SHROOM3: variants seen among roughly 807,000 people sequenced by gnomAD.
The protein encoded by SHROOM3 is shroom family member 3.
A neutral mutation model predicts 138.6 loss-of-function variants in SHROOM3; 47 were observed. The observed-to-expected ratio is 0.34, with a 90% CI of 0.27 to 0.43. The LOEUF (loss-of-function observed/expected upper bound fraction) is 0.43. SHROOM3 is among the 20% of genes least tolerant of loss of function. SHROOM3 has a pLI of 1.00. For synonymous variants in SHROOM3, 1,062 were observed against 1,063.3 expected, an observed-to-expected ratio of 1.00 and a Z score of 0.02; for missense variants, 2,491 against 2,596.5, an observed-to-expected ratio of 0.96 and a Z score of 0.88.
rs185478264 is a variant in SHROOM3, at chr4:76,560,282, C to T, written c.323+4519C>T. Among the ~76,000 whole-genome samples the T allele has an allele frequency of 2.6e-3, 403 of 152,168 alleles. 1 individual carries two copies. The highest frequency in any genetic ancestry group is 6.8e-3 in the Middle Eastern group (2 of 292). ...TCATCCCTGAGGGTAATGGAAGTTG[C>T]GTTTAGTATAAGGAATGCTCACTGC... is the stretch of plus-strand genomic sequence containing the variant. On this transcript the variant is annotated intron_variant, in intron 2 of 10. Coordinates refer to ENST00000296043, the MANE Select transcript of SHROOM3 (RefSeq NM_020859.4).
intron 2 of SHROOM3, among the ~76,000 whole-genome samples, chr4:76,650,051 T>G (rs911334589): frequency 2.0e-5 from 3 of 152,220 alleles, no homozygotes; most frequent in African/African-American, 7.2e-5. Context: ...CCTAGGTGGA[T>G]GTGCTTGGAG....
At chr4:76,727,881 C>A in intron 3 of SHROOM3, among the ~76,000 whole-genome samples, 1 of 34,944 alleles carries the variant, frequency 2.9e-5, no homozygotes, top group Non-Finnish European at 9.1e-5. Context: ...GAGCAAGACT[C>A]CATCTCAAAA....
At chr4:76,693,678 C>T (rs576582636) in intron 2 of SHROOM3, among the ~76,000 whole-genome samples, 36 of 152,192 alleles carry the variant, frequency 2.4e-4, no homozygotes, top group African/African-American at 8.2e-4. Context: ...AGCCACTGCA[C>T]CTGGCCCTTG....
chr4:76,477,401 C>T lies in SHROOM3; in HGVS notation c.168+41181C>T, dbSNP rs187011898. On this transcript the variant is annotated intron_variant, in intron 1 of 10. Coordinates refer to ENST00000296043, the MANE Select transcript of SHROOM3 (RefSeq NM_020859.4). ...CCCTCTTAGAAAACTCAGACCATTG[C>T]CCCTTGCCTCAAGACTGCACATAAC... Among the ~76,000 whole-genome samples the T allele has an allele frequency of 3.9e-3, 588 of 152,290 alleles. 4 individuals are homozygous for T. The highest frequency in any genetic ancestry group is 0.013 in the African/African-American group (553 of 41,554).
At chr4:76,542,408 G>A (rs1312423548) in intron 1 of SHROOM3, among the ~76,000 whole-genome samples, 2 of 152,188 alleles carry the variant, frequency 1.3e-5, no homozygotes, top group African/African-American at 4.8e-5. Context: ...GGAAATAAAG[G>A]TTGCAGATGG....
chr4:76,466,468 A>G (rs555739555), intron 1 of SHROOM3, among the ~76,000 whole-genome samples: 1 of 152,356 alleles, frequency 6.6e-6, no homozygotes, highest in Non-Finnish European at 1.5e-5. Flanking sequence ...TGTTGTATGA[A>G]CCAAATGTCT....
At chr4:76,750,544 A>G (rs1325343382) in intron 6 of SHROOM3, among the ~76,000 whole-genome samples, 2 of 152,176 alleles carry the variant, frequency 1.3e-5, no homozygotes, top group Non-Finnish European at 2.9e-5. Context: ...GTGAGGATTG[A>G]AAAAACTACC....
intron 10 of SHROOM3, among the ~76,000 whole-genome samples, chr4:76,777,153 T>A (rs917432690): frequency 3.3e-5 from 5 of 152,220 alleles, no homozygotes; most frequent in Admixed American, 6.5e-5. Flanking sequence ...GGTATTTTGA[T>A]GGGAATTGCA....
At chr4:76,460,458 C>T (rs1731116769) in intron 1 of SHROOM3, among the ~76,000 whole-genome samples, 1 of 152,150 alleles carries the variant, frequency 6.6e-6, no homozygotes, top group African/African-American at 2.4e-5. Flanking sequence ...TTTACACCAT[C>T]GGTTGTTTAT....
intron 10 of SHROOM3, among the ~76,000 whole-genome samples, chr4:76,772,103 CTTTTTTT>C (rs35590411): frequency 2.4e-5 from 3 of 125,140 alleles, no homozygotes; most frequent in Non-Finnish European, 5.0e-5. Context: ...TTTTCTTTTT[CTTTTTTT>C]TTTTTTTTTT....
At chr4:76,503,799 A>T (rs184550957) in intron 1 of SHROOM3, among the ~76,000 whole-genome samples, 34 of 152,344 alleles carry the variant, frequency 2.2e-4, no homozygotes, top group African/African-American at 7.9e-4. Context: ...TATCTGTGGA[A>T]GGCATTTGGT....
At chr4:76,766,849 C>T (rs926890969) in intron 9 of SHROOM3, among the ~76,000 whole-genome samples, 6 of 152,198 alleles carry the variant, frequency 3.9e-5, no homozygotes, top group Non-Finnish European at 8.8e-5. Context: ...CGTGACCACT[C>T]AGTAATTCTG....
At chr4:76,728,011 G>A (rs344133) in intron 3 of SHROOM3, among the ~76,000 whole-genome samples, 79,367 of 151,516 alleles carry the variant, frequency 0.52, 21,652 homozygotes, top group Middle Eastern at 0.62. Flanking sequence ...AGAAATGCAA[G>A]AAAAATAATA....
intron 3 of SHROOM3, among the ~76,000 whole-genome samples, chr4:76,724,916 G>A (rs1001923424): frequency 5.3e-5 from 8 of 152,068 alleles, no homozygotes; most frequent in African/African-American, 1.2e-4. Context: ...CCTTCATTCA[G>A]GTTGTACTGA....
chr4:76,651,100 T>G (rs916302314), intron 2 of SHROOM3, among the ~76,000 whole-genome samples: 8 of 151,328 alleles, frequency 5.3e-5, no homozygotes, highest in African/African-American at 1.5e-4. Context: ...CTCATAAACA[T>G]AGAGAGTAGA....
intron 2 of SHROOM3, among the ~76,000 whole-genome samples, chr4:76,659,328 GC>G (rs1736134164): frequency 6.6e-6 from 1 of 152,174 alleles, no homozygotes; most frequent in Non-Finnish European, 1.5e-5. Flanking sequence ...CAGGCACCTT[GC>G]CAAGAGGCCA....
chr4:76,521,358 T>C (rs894887035), intron 1 of SHROOM3, among the ~76,000 whole-genome samples: 4 of 152,216 alleles, frequency 2.6e-5, no homozygotes, highest in African/African-American at 4.8e-5. Context: ...TTCAGAATTA[T>C]TTTATGATGT....
intron 1 of SHROOM3, among the ~76,000 whole-genome samples, chr4:76,452,136 A>G (rs898534394): frequency 1.3e-5 from 2 of 152,254 alleles, no homozygotes; most frequent in Non-Finnish European, 2.9e-5. Context: ...TCAGATAGAA[A>G]AAGTGAAATA....
At chr4:76,619,436 A>G (rs1734950723) in intron 2 of SHROOM3, among the ~76,000 whole-genome samples, 1 of 152,204 alleles carries the variant, frequency 6.6e-6, no homozygotes, top group African/African-American at 2.4e-5. Flanking sequence ...AAAGAGGGTT[A>G]TTGACCAAAT....
Sources: allele counts gnomAD v4.1 joint callset (sites outside exome capture counted in the v4.1 genomes callset), GRCh38; gene constraint gnomAD v4.1.1; transcripts MANE v1.5; gene names NCBI Gene and HGNC (gene_info 2026-07-23, HGNC 2026-07-21).